Variants in ERO1B observed in about 807,000 individuals in gnomAD.
ERO1B encodes endoplasmic reticulum oxidoreductase 1 beta.
Under a neutral mutation model 75.3 loss-of-function variants are expected in ERO1B, and 49 were observed. The ratio of observed to expected loss-of-function variants is 0.65; its 90% CI spans 0.52 to 0.83. The LOEUF is 0.83. Ranked by LOEUF, ERO1B falls within the 40% of genes least tolerant of loss-of-function variation. The pLI is 0.00. For missense variants in ERO1B, 512 were observed against 560.1 expected, an observed-to-expected ratio of 0.91 and a Z score of 0.87; for synonymous variants, 191 against 192.9, an observed-to-expected ratio of 0.99 and a Z score of 0.08.
At chr1:236,248,982 AC>A (rs1664951268) in intron 5 of ERO1B, among the ~76,000 whole-genome samples, 1 of 151,416 alleles carries the variant, frequency 6.6e-6, no homozygotes, top group South Asian at 2.1e-4. Flanking sequence ...AAAATTGCTA[AC>A]TTATACTGAG....
chr1:236,269,811 A>G, intron 2 of ERO1B, 64 bp downstream of exon 2: 3 of 1,351,078 alleles, frequency 2.2e-6, no homozygotes, highest in Non-Finnish European at 3.1e-6. Flanking sequence ...TGGGCTTTCA[A>G]AAGGATCATA....
chr1:236,253,804 C>G (rs1446924771), intron 2 of ERO1B, among the ~76,000 whole-genome samples: 1 of 152,176 alleles, frequency 6.6e-6, no homozygotes, highest in Non-Finnish European at 1.5e-5. Context: ...AAGAACTGAG[C>G]ATCCACTATG....
chr1:236,239,811 G>GTATATATATATATA (rs1435250421), intron 6 of ERO1B, among the ~76,000 whole-genome samples: 1 of 59,598 alleles, frequency 1.7e-5, no homozygotes, highest in African/African-American at 4.6e-5. Context: ...ATATATGTGT[G>GTATATATATATATA]TATATATATA....
At chr1:236,251,283 T>G (rs1665019932) in intron 4 of ERO1B, 1 of 152,542 alleles carries the variant, frequency 6.6e-6, no homozygotes, top group East Asian at 1.9e-4. Context: ...TAAAATATAT[T>G]ACTTGTAGAT....
rs561258909 is a variant in ERO1B at position 236,281,659 on chromosome 1, G to C, written c.102+23C>G. Reference sequence around the variant, plus strand: ...CGCGGGTGTTCGGCCGGGGGTTCCCGGCCCGCTATCACTCGGGCTTACCTG... The same window carrying C: ...CGCGGGTGTTCGGCCGGGGGTTCCCCGCCCGCTATCACTCGGGCTTACCTG... On this transcript the variant is annotated intron_variant, in intron 1 of 15. Coordinates refer to ENST00000354619, the MANE Select transcript of ERO1B (RefSeq NM_019891.4). 489 of 1,393,856 alleles carry C rather than the reference G, an allele frequency of 3.5e-4. 3 individuals are homozygous for C. The African/African-American group carries it at 7.0e-3, about 20-fold the overall frequency. The allele number at this position is 1,393,856 out of a possible 1,614,324, so 86.3% of individuals were successfully genotyped here.
chr1:236,224,828 C>A (rs976763954), intron 13 of ERO1B, among the ~76,000 whole-genome samples: 1 of 152,156 alleles, frequency 6.6e-6, no homozygotes, highest in Non-Finnish European at 1.5e-5. Context: ...CAACTAGTAT[C>A]TTTTAAAAAG....
chr1:236,227,530 TA>T (rs1313080107), intron 10 of ERO1B, among the ~76,000 whole-genome samples: 1 of 152,186 alleles, frequency 6.6e-6, no homozygotes, highest in Non-Finnish European at 1.5e-5. Flanking sequence ...GGTAAATTCT[TA>T]AATAAATAAA....
intron 8 of ERO1B, 105 bp downstream of exon 8, chr1:236,235,684 A>T: frequency 9.9e-7 from 1 of 1,011,674 alleles, no homozygotes; most frequent in Non-Finnish European, 1.5e-6. Flanking sequence ...TCATCATTCA[A>T]ATTAAACAAA....
At chr1:236,255,274 T>C (rs149591077) in intron 2 of ERO1B, among the ~76,000 whole-genome samples, 47 of 152,146 alleles carry the variant, frequency 3.1e-4, no homozygotes, top group African/African-American at 1.0e-3. Context: ...CCTGTATTAT[T>C]GCTCCTCCAG....
chr1:236,229,362 T>C (rs1295183196), intron 10 of ERO1B, among the ~76,000 whole-genome samples: 2 of 151,760 alleles, frequency 1.3e-5, no homozygotes, highest in East Asian at 1.9e-4. Flanking sequence ...GAGGCAGAGG[T>C]TGCAGTGAGC....
chr1:236,254,736 C>CG (rs1665119797), intron 2 of ERO1B, among the ~76,000 whole-genome samples: 1 of 152,042 alleles, frequency 6.6e-6, no homozygotes, highest in African/African-American at 2.4e-5. Context: ...CCTCAGCCCC[C>CG]CAAGTAGCTG....
In ERO1B at chr1:236,265,150, T is replaced by A. The variant is rs148410542; in HGVS notation, c.222+4725A>T. ...CAACAGTTAATGCAGATAGTGGGTA[T>A]CCTTGTCTTGGTTCCTGACCTAAGT... On this transcript the variant is annotated intron_variant, in intron 2 of 15. Coordinates refer to ENST00000354619, the MANE Select transcript of ERO1B (RefSeq NM_019891.4). Among the ~76,000 whole-genome samples, 139 of 152,196 alleles carry A rather than the reference T, an allele frequency of 9.1e-4. No homozygotes were observed. The East Asian group carries it at 0.013, about 14-fold the overall frequency.
chr1:236,279,648 G>A (rs1665784961), intron 1 of ERO1B, among the ~76,000 whole-genome samples: 1 of 144,478 alleles, frequency 6.9e-6, no homozygotes, highest in African/African-American at 2.6e-5. Context: ...GGCCAACATG[G>A]CAAAACCCTG....
chr1:236,226,602 T>G (rs1664285950), intron 11 of ERO1B, 45 bp downstream of exon 11: 1 of 1,595,760 alleles, frequency 6.3e-7, no homozygotes, highest in Non-Finnish European at 8.5e-7. Flanking sequence ...TCCAATAATT[T>G]TTACACTAAT....
intron 4 of ERO1B, 125 bp from the exon 5 acceptor site, chr1:236,250,092 A>C (rs1469655045): frequency 1.2e-5 from 6 of 498,088 alleles, no homozygotes; most frequent in African/African-American, 1.0e-4. Flanking sequence ...CATTATAAAA[A>C]TCCCTATCAT....
intron 1 of ERO1B, among the ~76,000 whole-genome samples, chr1:236,280,960 A>T (rs1045880139): frequency 6.6e-6 from 1 of 152,122 alleles, no homozygotes; most frequent in Non-Finnish European, 1.5e-5. Flanking sequence ...CACTGAGAAC[A>T]CTTGTAATCA....
chr1:236,223,202 C>CAAAAAA (rs11322079), intron 13 of ERO1B, among the ~76,000 whole-genome samples: 2 of 80,926 alleles, frequency 2.5e-5, no homozygotes, highest in African/African-American at 4.8e-5. Flanking sequence ...AACTCTGTCT[C>CAAAAAA]AAAAAAAAAA....
intron 15 of ERO1B, 125 bp from the exon 16 acceptor site, chr1:236,218,701 A>T: frequency 1.2e-6 from 1 of 821,154 alleles, no homozygotes; most frequent in Non-Finnish European, 1.6e-6. Context: ...CAAACACTGA[A>T]GCTTCCATGT....
At chr1:236,237,875 T>G (rs1014008282) in intron 6 of ERO1B, among the ~76,000 whole-genome samples, 4 of 152,068 alleles carry the variant, frequency 2.6e-5, no homozygotes, top group Non-Finnish European at 5.9e-5. Flanking sequence ...GAGTCTTGCT[T>G]TGTCTCTCAG....
Sources: allele counts gnomAD v4.1 joint callset (sites outside exome capture counted in the v4.1 genomes callset), GRCh38; gene constraint gnomAD v4.1.1; transcripts MANE v1.5; gene names NCBI Gene and HGNC (gene_info 2026-07-23, HGNC 2026-07-21).